The following NFYC variants were observed in gnomAD, a reference collection of about 807,000 sequenced individuals.
The protein encoded by NFYC is CAAT box DNA-binding protein subunit C.
In NFYC, 25 loss-of-function variants were observed where a neutral mutation model predicts 53.1. The ratio of observed to expected loss-of-function variants is 0.47; its 90% CI spans 0.34 to 0.66. The LOEUF (loss-of-function observed/expected upper bound fraction) is 0.66, where lower values mean the gene tolerates loss of function less well. Ranked by LOEUF, NFYC falls within the 30% of genes least tolerant of loss-of-function variation. NFYC has a pLI of 0.01. For missense variants in NFYC, 260 were observed against 422.7 expected (o/e 0.62, Z 3.38); for synonymous variants, 145 against 152.6 (o/e 0.95, Z 0.37).
chr1:40,704,232 C>T (rs568285377), intron 1 of NFYC, among the ~76,000 whole-genome samples: 24 of 152,204 alleles, frequency 1.6e-4, no homozygotes, highest in African/African-American at 5.3e-4. Flanking sequence ...CCACCACGCC[C>T]GGCTAATTTT....
intron 2 of NFYC, among the ~76,000 whole-genome samples, chr1:40,746,713 G>T (rs1002419195): frequency 6.6e-6 from 1 of 152,102 alleles, no homozygotes; most frequent in Non-Finnish European, 1.5e-5. Flanking sequence ...CCATCATTGG[G>T]CATGTGTTTA....
chr1:40,745,239 A>G (rs921597833), intron 2 of NFYC, among the ~76,000 whole-genome samples: 18 of 152,158 alleles, frequency 1.2e-4, no homozygotes, highest in African/African-American at 4.3e-4. Flanking sequence ...GCTTTAGTTA[A>G]GTAATCATGG....
chr1:40,713,336 T>G (rs751469361), intron 1 of NFYC, among the ~76,000 whole-genome samples: 1 of 152,244 alleles, frequency 6.6e-6, no homozygotes, highest in Non-Finnish European at 1.5e-5. Context: ...AGAATGAGGT[T>G]TGGCAAAATT....
Position 40,770,463 on chromosome 1 carries a change from G to A in NFYC, c.889-246G>A. 6.4e-7 allele frequency: 1 copy of A among 1,550,784 alleles called. No individual in the cohort carries two copies. The highest frequency in any genetic ancestry group is 8.7e-7 in the Non-Finnish European group (1 of 1,146,978). On this transcript the variant is annotated intron_variant, in intron 9 of 9. Coordinates refer to ENST00000447388, the MANE Select transcript of NFYC (RefSeq NM_014223.5). This position sits in a 1 kb window ranked among gnomAD's most constrained non-coding sequence, Gnocchi z 5.3. ...AGAGGCAGAGCCCAGAGAAGTGAAA[G>A]CCACAGGAAATTCAACTCCCTGCAC...
intron 4 of NFYC, among the ~76,000 whole-genome samples, chr1:40,750,151 C>CT (rs569827649): frequency 3.1e-3 from 454 of 148,652 alleles, no homozygotes; most frequent in African/African-American, 5.9e-3. Context: ...TTTTCTTCTT[C>CT]TTTTTTTTTT....
chr1:40,695,984 A>C (rs537659074), intron 1 of NFYC, among the ~76,000 whole-genome samples: 18 of 151,990 alleles, frequency 1.2e-4, no homozygotes, highest in Non-Finnish European at 2.1e-4. Flanking sequence ...CACAGCCAGT[A>C]AGTAGCAGAG....
intron 1 of NFYC, among the ~76,000 whole-genome samples, chr1:40,734,220 A>G (rs1483091846): frequency 6.6e-6 from 1 of 152,166 alleles, no homozygotes; most frequent in Non-Finnish European, 1.5e-5. Flanking sequence ...TTATTATCCT[A>G]GAAGATGAAC....
Position 40,765,402 on chromosome 1 carries a change from T to C in NFYC, c.721-1194T>C, listed in dbSNP as rs914609313. The stretch of plus-strand genomic sequence containing the variant: ...TTTTTTCTCGGTAGTTCAAATTCTG[T>C]GAGGCTGGAAGTCTCAGAGAAGCAT... On this transcript the variant is annotated intron_variant, in intron 7 of 9. Transcript: ENST00000447388. Among the ~76,000 whole-genome samples the C allele has an allele frequency of 3.3e-5, 5 of 152,324 alleles. No homozygotes were observed. The South Asian group carries it at 1.0e-3, about 32-fold the overall frequency.
chr1:40,766,914 C>T, intron 8 of NFYC: 1 of 1,552,104 alleles, frequency 6.4e-7, no homozygotes. Flanking sequence ...ATCTTGTTCT[C>T]AAGGGGCAAA....
chr1:40,724,096 A>C (rs1040422717), intron 1 of NFYC, among the ~76,000 whole-genome samples: 1 of 152,188 alleles, frequency 6.6e-6, no homozygotes, highest in East Asian at 1.9e-4. Flanking sequence ...GGGGCTGGAC[A>C]TGGTGGCTCA....
intron 1 of NFYC, among the ~76,000 whole-genome samples, chr1:40,708,253 G>T (rs1643814907): frequency 6.6e-6 from 1 of 152,226 alleles, no homozygotes; most frequent in African/African-American, 2.4e-5. Context: ...GTTTGAGGCT[G>T]TTGTGCCCTG....
At chr1:40,726,039 G>C (rs970779930) in intron 1 of NFYC, among the ~76,000 whole-genome samples, 1 of 152,114 alleles carries the variant, frequency 6.6e-6, no homozygotes, top group Non-Finnish European at 1.5e-5. Flanking sequence ...TGATGATGAT[G>C]GCTGCTGACT....
chr1:40,726,443 A>G (rs1366496814), intron 1 of NFYC, among the ~76,000 whole-genome samples: 2 of 140,094 alleles, frequency 1.4e-5, no homozygotes, highest in African/African-American at 5.4e-5. Flanking sequence ...CTCTCTCCAC[A>G]CTGTCACCCA....
chr1:40,703,713 T>C (rs1643556923), intron 1 of NFYC, among the ~76,000 whole-genome samples: 1 of 152,208 alleles, frequency 6.6e-6, no homozygotes, highest in African/African-American at 2.4e-5. Context: ...ACTTGCTGCC[T>C]TCAAGAAGCC....
At chr1:40,756,803 C>T (rs368469746) in intron 5 of NFYC, among the ~76,000 whole-genome samples, 3 of 152,352 alleles carry the variant, frequency 2.0e-5, no homozygotes, top group African/African-American at 7.2e-5. Context: ...TCATCACGCA[C>T]TTACTGAGTG....
chr1:40,742,969 A>T (rs1166156712), intron 2 of NFYC, among the ~76,000 whole-genome samples: 1 of 152,216 alleles, frequency 6.6e-6, no homozygotes, highest in Non-Finnish European at 1.5e-5. Flanking sequence ...GATGTGTCAG[A>T]GCCTCTTAGG....
chr1:40,759,165 G>C (rs1311742023), intron 6 of NFYC, among the ~76,000 whole-genome samples: 1 of 151,402 alleles, frequency 6.6e-6, no homozygotes, highest in Non-Finnish European at 1.5e-5. Flanking sequence ...GGAGTTTGAG[G>C]TTACAGTGAG....
chr1:40,770,822 C>G lies in NFYC; in HGVS notation c.1002C>G (p.Gly334=). 1 of 1,608,394 alleles carries G rather than the reference C, an allele frequency of 6.2e-7. No homozygotes were observed. The highest frequency in any genetic ancestry group is 8.5e-7 in the Non-Finnish European group (1 of 1,179,948). Residue 334 remains glycine (G), a synonymous_variant, in exon 10 of 10, where the codon GGC becomes GGG. Coordinates refer to ENST00000447388, the MANE Select transcript of NFYC (RefSeq NM_014223.5). This position sits in a 1 kb window ranked among gnomAD's most constrained non-coding sequence, Gnocchi z 5.3. ...PSDGQAPQVT[G]D ...ACGGGCAGGCCCCCCAGGTGACCGG[C>G]GACTGAGGGCCTGAGCTGGCAAGGC...
intron 1 of NFYC, among the ~76,000 whole-genome samples, chr1:40,715,626 C>G (rs781630578): frequency 6.6e-6 from 1 of 152,140 alleles, no homozygotes; most frequent in Non-Finnish European, 1.5e-5. Context: ...TGTATTATCA[C>G]TCTTATCTTC....
Sources: gnomAD v4.1 joint callset for allele counts (sites outside exome capture counted in the v4.1 genomes callset) on GRCh38, gnomAD v4.1.1 for gene constraint, Gnocchi (gnomAD v3.1) non-coding constraint, MANE v1.5 for transcripts, NCBI Gene and HGNC (gene_info 2026-07-23, HGNC 2026-07-21) for gene names.